Variants in GRID2 observed in about 807,000 individuals in gnomAD.
GRID2 encodes the protein glutamate ionotropic receptor delta type subunit 2.
GRID2 carries 33 observed loss-of-function variants against 114.8 expected under a neutral mutation model. The ratio of observed to expected loss-of-function variants is 0.29; its 90% confidence interval spans 0.22 to 0.38. The LOEUF is 0.38. Among genes scored for constraint, GRID2 ranks in the 10% least tolerant of loss-of-function variants. The pLI, the probability that GRID2 is intolerant of heterozygous loss-of-function variation, is 1.00. For missense variants in GRID2, 1,184 were observed against 1,257.7 expected (o/e 0.94, Z 0.89); for synonymous variants, 505 against 449.9 (o/e 1.12, Z -1.55).
chr4:92,392,835 G>A (rs554386462), intron 1 of GRID2, among the ~76,000 whole-genome samples: 11 of 152,074 alleles, frequency 7.2e-5, no homozygotes, highest in South Asian at 6.2e-4. Context: ...CTTACCCTGC[G>A]TTACTGAAAA....
intron 13 of GRID2, among the ~76,000 whole-genome samples, chr4:93,603,125 G>T (rs553765280): frequency 6.6e-6 from 1 of 152,026 alleles, no homozygotes; most frequent in African/African-American, 2.4e-5. Context: ...CAGGATAATC[G>T]CTTGAACTCA....
intron 1 of GRID2, among the ~76,000 whole-genome samples, chr4:92,530,351 T>C (rs1012611467): frequency 3.3e-5 from 5 of 151,870 alleles, no homozygotes; most frequent in African/African-American, 9.7e-5. Flanking sequence ...TGTTGTGTGA[T>C]GCAATAGGAA....
chr4:92,769,782 C>T (rs1158068249), intron 2 of GRID2, among the ~76,000 whole-genome samples: 1 of 152,058 alleles, frequency 6.6e-6, no homozygotes, highest in Non-Finnish European at 1.5e-5. Flanking sequence ...GGCACCAAGC[C>T]CCTAGACTGC....
chr4:92,572,689 A>G (rs1025560984), intron 1 of GRID2, among the ~76,000 whole-genome samples: 1 of 152,114 alleles, frequency 6.6e-6, no homozygotes, highest in Non-Finnish European at 1.5e-5. Flanking sequence ...ATCATGGCAG[A>G]TAAACTTTTT....
intron 4 of GRID2, among the ~76,000 whole-genome samples, chr4:93,130,399 C>A (rs895289634): frequency 2.6e-5 from 4 of 152,136 alleles, no homozygotes; most frequent in African/African-American, 9.7e-5. Flanking sequence ...CATGTTCGCA[C>A]CACCACAGCA....
chr4:92,920,312 CTG>C (rs1749202463), intron 2 of GRID2, among the ~76,000 whole-genome samples: 1 of 152,156 alleles, frequency 6.6e-6, no homozygotes. Flanking sequence ...ATTTGCCAGA[CTG>C]TGTGTTTTAA....
Position 92,431,436 on chromosome 4 carries a change from C to T in GRID2, c.88+126692C>T, listed in dbSNP as rs185590034. ...TGCAAATGTTGAATCATCCTTGCAT[C>T]TCTGGGATAAACCCATTTGGTCATG... is the stretch of plus-strand genomic sequence containing the variant. On this transcript the variant is annotated intron_variant, in intron 1 of 15. Coordinates refer to ENST00000282020, the MANE Select transcript of GRID2 (RefSeq NM_001510.4). Among the ~76,000 whole-genome samples the T allele has an allele frequency of 3.7e-4, 57 of 152,156 alleles. 1 individual carries two copies. The highest frequency in any genetic ancestry group is 7.2e-4 in the Non-Finnish European group (49 of 67,990).
intron 2 of GRID2, among the ~76,000 whole-genome samples, chr4:92,746,899 TC>T (rs1211499159): frequency 6.6e-6 from 1 of 152,046 alleles, no homozygotes; most frequent in Non-Finnish European, 1.5e-5. Context: ...ACACACTTCT[TC>T]CCAGAAATCT....
At chr4:92,407,643 A>G (rs1316518031) in intron 1 of GRID2, among the ~76,000 whole-genome samples, 3 of 152,136 alleles carry the variant, frequency 2.0e-5, no homozygotes, top group Non-Finnish European at 4.4e-5. Context: ...GTGAGATGGT[A>G]TCTCCTTGTG....
At position 93,075,883 on chromosome 4, in the gene GRID2, CTTTTTTTTTTTTTTTT is replaced by C. The variant is rs10706922; in HGVS notation, c.245-9089_245-9074del. On this transcript the variant is annotated intron_variant, in intron 2 of 15. Transcript: ENST00000282020. ...GTATTGGGATGTCGAAGTTACCTCT[CTTTTTTTTTTTTTTTT>C]TTTTTTTTTTTTTTTTTTTTTTGAG... is the stretch of plus-strand genomic sequence containing the variant. Among the ~76,000 whole-genome samples, 109 of 76,582 alleles carry C rather than the reference CTTTTTTTTTTTTTTTT, an allele frequency of 1.4e-3. 1 individual carries two copies. Among genetic ancestry groups the C allele is most frequent in the East Asian group, 1.7e-3 (4 of 2,412 alleles). The allele number at this position is 76,582 out of a possible 152,430, so 50.2% of individuals were successfully genotyped here. A position where few individuals can be genotyped will look rare whatever the true frequency, so the allele number is the denominator to read the frequency against.
At chr4:92,952,527 T>C (rs1560738520) in intron 2 of GRID2, among the ~76,000 whole-genome samples, 1 of 152,344 alleles carries the variant, frequency 6.6e-6, no homozygotes, top group East Asian at 1.9e-4. Context: ...TTAAATCTCA[T>C]TTCTGTTTCT....
chr4:92,729,822 T>TAA lies in GRID2; in HGVS notation c.244+139544_244+139545dup, dbSNP rs34967924. Among the ~76,000 whole-genome samples the TAA allele has an allele frequency of 9.2e-4, 139 of 151,078 alleles. No homozygotes were observed. The South Asian group carries it at 0.013, about 14-fold the overall frequency. On this transcript the variant is annotated intron_variant, in intron 2 of 15. Transcript: ENST00000282020. ...GTATTGCAAAAATTTAACAAAACAG[T>TAA]AAAAAAAAATCCTCTTTATAGTAGA...
intron 14 of GRID2, among the ~76,000 whole-genome samples, chr4:93,677,402 T>C (rs1332146003): frequency 2.0e-5 from 3 of 152,138 alleles, no homozygotes; most frequent in Non-Finnish European, 4.4e-5. Flanking sequence ...TAAATGTCCC[T>C]ATCTGACAGC....
In GRID2 at chr4:93,004,798, T is replaced by C. The variant is rs114288565; in HGVS notation, c.245-80197T>C. Among the ~76,000 whole-genome samples, 736 of 152,158 alleles carry C rather than the reference T, an allele frequency of 4.8e-3. 10 individuals carry two copies. The highest frequency in any genetic ancestry group is 0.017 in the African/African-American group (702 of 41,548). ...TTATCAAGGTTGCTAATAATCTCCATTGTGACAAATTCAATGGCCAGTTCT... is the reference window on the plus strand; with the variant it reads ...TTATCAAGGTTGCTAATAATCTCCACTGTGACAAATTCAATGGCCAGTTCT... On this transcript the variant is annotated intron_variant, in intron 2 of 15. Coordinates refer to ENST00000282020, the MANE Select transcript of GRID2 (RefSeq NM_001510.4).
chr4:92,779,406 A>G (rs1738964600), intron 2 of GRID2, among the ~76,000 whole-genome samples: 1 of 152,086 alleles, frequency 6.6e-6, no homozygotes, highest in Non-Finnish European at 1.5e-5. Context: ...AGATTTTCTC[A>G]TTACTTTCTT....
chr4:93,686,698 C>G (rs1210182420), intron 14 of GRID2, among the ~76,000 whole-genome samples: 1 of 151,846 alleles, frequency 6.6e-6, no homozygotes, highest in African/African-American at 2.4e-5. Context: ...TGGGGATGAG[C>G]CTTGGAGATA....
chr4:92,923,110 C>T (rs1176031316), intron 2 of GRID2, among the ~76,000 whole-genome samples: 1 of 152,132 alleles, frequency 6.6e-6, no homozygotes, highest in Non-Finnish European at 1.5e-5. Flanking sequence ...ATCATTTAAA[C>T]ATAATTTTCA....
intron 14 of GRID2, among the ~76,000 whole-genome samples, chr4:93,734,467 G>C (rs1183456661): frequency 6.6e-6 from 1 of 151,954 alleles, no homozygotes; most frequent in Non-Finnish European, 1.5e-5. Context: ...GAAATCAAAA[G>C]TTACAAAATT....
chr4:92,566,778 T>C (rs958825450), intron 1 of GRID2, among the ~76,000 whole-genome samples: 10 of 152,118 alleles, frequency 6.6e-5, no homozygotes, highest in African/African-American at 2.2e-4. Flanking sequence ...GTGCAAAAGA[T>C]GATACATTTT....
Sources: gnomAD v4.1 joint callset for allele counts (sites outside exome capture counted in the v4.1 genomes callset) on GRCh38, gnomAD v4.1.1 for gene constraint, MANE v1.5 for transcripts, NCBI Gene and HGNC (gene_info 2026-07-23, HGNC 2026-07-21) for gene names.